SUMF1: variants seen among roughly 807,000 people sequenced by gnomAD.
SUMF1 encodes the protein sulfatase modifying factor 1.
SUMF1 carries 48 observed loss-of-function variants against 47.6 expected under a neutral mutation model. The ratio of observed to expected loss-of-function variants is 1.01; its 90% CI spans 0.80 to 1.28. SUMF1 has a LOEUF of 1.28. Among genes scored for constraint, SUMF1 ranks in the 50% most tolerant of loss-of-function variants. The pLI is 0.00. For missense variants in SUMF1, 571 were observed against 485.4 expected (o/e 1.18, Z -1.66); for synonymous variants, 230 against 192.1 (o/e 1.20, Z -1.63).
chr3:4,237,674 T>A (rs992007423), intron 8 of SUMF1, among the ~76,000 whole-genome samples: 2 of 152,150 alleles, frequency 1.3e-5, no homozygotes, highest in Admixed American at 1.3e-4. Context: ...TTGTGCCTTT[T>A]GTGTTGCATC....
intron 8 of SUMF1, among the ~76,000 whole-genome samples, chr3:4,086,884 G>A (rs1006448773): frequency 6.6e-6 from 1 of 152,058 alleles, no homozygotes; most frequent in African/African-American, 2.4e-5. Flanking sequence ...CATAAGACAT[G>A]CCTCTTGCCT....
chr3:4,145,462 C>T (rs530684639), intron 8 of SUMF1, among the ~76,000 whole-genome samples: 40 of 152,238 alleles, frequency 2.6e-4, no homozygotes, highest in Admixed American at 1.2e-3. Context: ...TCCTACCTCT[C>T]TGCAATTCAT....
chr3:4,433,801 G>A (rs1341646248), intron 3 of SUMF1, among the ~76,000 whole-genome samples: 1 of 152,208 alleles, frequency 6.6e-6, no homozygotes, highest in Non-Finnish European at 1.5e-5. Context: ...TCTTAAGCCA[G>A]AAAGCAAATT....
chr3:4,211,792 T>C (rs574354513), intron 8 of SUMF1, among the ~76,000 whole-genome samples: 11 of 152,270 alleles, frequency 7.2e-5, no homozygotes, highest in Non-Finnish European at 1.6e-4. Context: ...GGTGGTTTTA[T>C]GCTCATAGTG....
intron 8 of SUMF1, among the ~76,000 whole-genome samples, chr3:4,244,866 A>G (rs1387683842): frequency 1.3e-5 from 2 of 151,130 alleles, no homozygotes; most frequent in South Asian, 2.1e-4. Context: ...CATTCTCCCC[A>G]TACACCAGTC....
chr3:4,417,895 G>T (rs577907052), intron 5 of SUMF1, 115 bp downstream of exon 5: 4 of 1,560,258 alleles, frequency 2.6e-6, no homozygotes, highest in African/African-American at 1.4e-5. Context: ...ATAAGAAAAA[G>T]AATTATTGTC....
intron 8 of SUMF1, among the ~76,000 whole-genome samples, chr3:4,254,585 G>A (rs1258842146): frequency 2.7e-4 from 39 of 146,896 alleles, no homozygotes; most frequent in African/African-American, 8.3e-4. Flanking sequence ...AAAGAAATGA[G>A]CAAAGCCTCC....
rs181482511 is a variant in SUMF1, at chr3:4,080,046, C to T, written c.1015-11301G>A. Among the ~76,000 whole-genome samples, 6 of 152,046 alleles carry T rather than the reference C, an allele frequency of 3.9e-5. No individual in the cohort carries two copies. The East Asian group carries it at 1.2e-3, about 29-fold the overall frequency. On this transcript the variant is annotated intron_variant and NMD_transcript_variant, in intron 8 of 12. Coordinates refer to the SUMF1 transcript ENST00000448413. ...TGAGTCAGAATCCAAATGATCTTCA[C>T]AGAGTAGTCACTCCCAGAGGGTCCT...
At chr3:4,328,957 G>C (rs559917709) in intron 8 of SUMF1, among the ~76,000 whole-genome samples, 3 of 152,114 alleles carry the variant, frequency 2.0e-5, no homozygotes, top group African/African-American at 7.2e-5. Context: ...GGGGCTACAG[G>C]CTCCATGCAA....
At chr3:4,182,215 G>T (rs1295332658) in intron 8 of SUMF1, among the ~76,000 whole-genome samples, 2 of 151,936 alleles carry the variant, frequency 1.3e-5, no homozygotes. Context: ...GATGGAATAT[G>T]TCTACATTAA....
intron 8 of SUMF1, 46 bp downstream of exon 8, chr3:4,376,255 GGCTATCATTTACAATGGATCCATAAAACT>G: frequency 6.5e-7 from 1 of 1,533,168 alleles, no homozygotes; most frequent in Non-Finnish European, 9.0e-7. Context: ...AGACATTTGG[GGCTATCATTTACAATGGATCCATAAAACT>G]GCTATCAGAA....
intron 9 of SUMF1, among the ~76,000 whole-genome samples, chr3:4,044,233 C>T (rs1694965611): frequency 6.6e-6 from 1 of 152,156 alleles, no homozygotes; most frequent in Non-Finnish European, 1.5e-5. Flanking sequence ...ATTTCTGAGA[C>T]CCTTCCTCCT....
intron 3 of SUMF1, among the ~76,000 whole-genome samples, chr3:4,432,606 T>A (rs1702267883): frequency 6.6e-6 from 1 of 152,180 alleles, no homozygotes. Flanking sequence ...TCAGATGTCA[T>A]CACCTCAGAG....
intron 7 of SUMF1, among the ~76,000 whole-genome samples, chr3:4,388,483 T>C (rs921708428): frequency 6.6e-6 from 1 of 152,050 alleles, no homozygotes; most frequent in African/African-American, 2.4e-5. Context: ...GTACACAGCA[T>C]ATAATTAGGT....
rs552490436 is a variant in SUMF1, at chr3:4,180,668, T to C, written c.1015-111923A>G. Among the ~76,000 whole-genome samples the C allele has an allele frequency of 4.9e-4, 10 of 20,330 alleles. No homozygotes were observed. The East Asian group carries it at 8.2e-3, about 17-fold the overall frequency. 13.3% of individuals were successfully genotyped at this position (20,330 alleles called of 152,430 possible). A position where few individuals can be genotyped will look rare whatever the true frequency, so the allele number is the denominator to read the frequency against. On this transcript the variant is annotated intron_variant and NMD_transcript_variant, in intron 8 of 12. Coordinates refer to the SUMF1 transcript ENST00000448413. ...GTATCAAACCTGCACATTGTGCACA[T>C]GTACCCTAGAACTTAACACACACAC... is the stretch of plus-strand genomic sequence containing the variant.
At chr3:4,175,464 AAACT>A (rs1694937939) in intron 8 of SUMF1, among the ~76,000 whole-genome samples, 1 of 152,184 alleles carries the variant, frequency 6.6e-6, no homozygotes, top group Non-Finnish European at 1.5e-5. Flanking sequence ...GTTAGAAGGA[AAACT>A]AACAAACAAA....
intron 8 of SUMF1, among the ~76,000 whole-genome samples, chr3:4,108,483 ACTTT>A (rs1278898731): frequency 6.6e-6 from 1 of 151,860 alleles, no homozygotes; most frequent in Non-Finnish European, 1.5e-5. Context: ...ATCCTTGTTA[ACTTT>A]CTGTCTTGTT....
intron 8 of SUMF1, among the ~76,000 whole-genome samples, chr3:4,174,659 C>A (rs908520092): frequency 6.6e-6 from 1 of 152,120 alleles, no homozygotes; most frequent in Non-Finnish European, 1.5e-5. Flanking sequence ...CACTGAGGTA[C>A]CTGGTTCATC....
chr3:4,376,087 G>T (rs938131399), intron 8 of SUMF1, among the ~76,000 whole-genome samples: 6 of 152,162 alleles, frequency 3.9e-5, no homozygotes, highest in Non-Finnish European at 7.4e-5. Flanking sequence ...TCTCTCAAAG[G>T]GGCAAGATTC....
Sources: allele counts gnomAD v4.1 joint callset (sites outside exome capture counted in the v4.1 genomes callset), GRCh38; gene constraint gnomAD v4.1.1; transcripts MANE v1.5; gene names NCBI Gene and HGNC (gene_info 2026-07-23, HGNC 2026-07-21).